The following PTGER3 variants were observed in gnomAD, a reference collection of about 807,000 sequenced individuals.
PTGER3 encodes the protein prostaglandin E2 receptor EP3 subtype.
Under a neutral mutation model 34.7 loss-of-function variants are expected in PTGER3, and 22 were observed. The ratio of observed to expected loss-of-function variants is 0.63; its 90% CI spans 0.45 to 0.91. The LOEUF (loss-of-function observed/expected upper bound fraction) is 0.91, where lower values mean the gene tolerates loss of function less well. Ranked by LOEUF, PTGER3 falls within the 40% of genes least tolerant of loss-of-function variation. The probability of loss-of-function intolerance (pLI) is 0.00; values close to 1 mark genes in which losing one functional copy is unlikely to be tolerated. For missense variants in PTGER3, 468 were observed against 519.4 expected, an observed-to-expected ratio of 0.90 and a Z score of 0.96; for synonymous variants, 241 against 230.1, an observed-to-expected ratio of 1.05 and a Z score of -0.43.
chr1:70,877,955 G>C (rs1479531969), intron 4 of PTGER3, among the ~76,000 whole-genome samples: 2 of 152,178 alleles, frequency 1.3e-5, no homozygotes, highest in African/African-American at 2.4e-5. Context: ...GATCATGTTG[G>C]CCTCATAGAA....
At chr1:70,915,609 C>T (rs1212021423) in intron 4 of PTGER3, among the ~76,000 whole-genome samples, 1 of 152,056 alleles carries the variant, frequency 6.6e-6, no homozygotes, top group South Asian at 2.1e-4. Context: ...TTGAGGAATT[C>T]CCAAATGTGT....
intron 4 of PTGER3, among the ~76,000 whole-genome samples, chr1:70,899,635 GC>G (rs1646794825): frequency 6.6e-6 from 1 of 151,966 alleles, no homozygotes; most frequent in Admixed American, 6.6e-5. Context: ...CTCTTAAGGA[GC>G]TTTTCAAGAG....
chr1:70,866,032 G>T (rs1347987630), intron 4 of PTGER3, among the ~76,000 whole-genome samples: 1 of 152,182 alleles, frequency 6.6e-6, no homozygotes, highest in African/African-American at 2.4e-5. Flanking sequence ...GTAAAAGCCT[G>T]TTTCCCTTTG....
chr1:70,922,730 T>G (rs11811492), intron 4 of PTGER3, among the ~76,000 whole-genome samples: 4,473 of 152,310 alleles, frequency 0.029, 240 homozygotes, highest in African/African-American at 0.1. Context: ...TAAAATGTGT[T>G]TTTTGTAAAA....
In PTGER3 at chr1:70,974,334, A is replaced by G. The variant is rs760434884; in HGVS notation, c.1132T>C (p.Cys378Arg). The change falls in exon 3 of 4, where the codon TGT becomes CGT. Residue 378 changes from cysteine to arginine, a missense_variant. Physicochemically the swap from Cys to Arg is radical, Grantham distance 180. Coordinates refer to ENST00000306666, the MANE Select transcript of PTGER3 (RefSeq NM_198719.2). The part of the protein sequence containing the change: ...ASSSTSLPCQ[C>R]SSTLMWSDHL... The stretch of plus-strand genomic sequence containing the variant: ...TCGCTCCACATCAAGGTTGAGGAAC[A>G]CTGGCAGGGTAAGGAGGTGGAGCTG... 1 of 1,488,016 alleles carries G rather than the reference A, an allele frequency of 6.7e-7. No homozygotes were observed. Among genetic ancestry groups the G allele is most frequent in the Admixed American group, 1.7e-5 (1 of 59,766 alleles). 92.2% of individuals were successfully genotyped at this position (1,488,016 alleles called of 1,614,324 possible).
chr1:70,931,386 T>A (rs1648679201), intron 4 of PTGER3, among the ~76,000 whole-genome samples: 1 of 152,198 alleles, frequency 6.6e-6, no homozygotes, highest in Non-Finnish European at 1.5e-5. Context: ...GTCTGCCCTC[T>A]TCTCACAACT....
exon 4 of PTGER3, chr1:70,953,049 C>G (rs1430734287): frequency 6.3e-7 from 1 of 1,596,738 alleles, no homozygotes; most frequent in East Asian, 2.2e-5. Context: ...GTTCTGCAAA[C>G]TGCAGATTAA....
intron 1 of PTGER3, among the ~76,000 whole-genome samples, chr1:71,017,525 A>G (rs1040560221): frequency 6.6e-6 from 1 of 152,026 alleles, no homozygotes; most frequent in Non-Finnish European, 1.5e-5. Context: ...TCAAATTCTA[A>G]TCCTCAGTGT....
intron 4 of PTGER3, among the ~76,000 whole-genome samples, chr1:70,900,194 C>T (rs1015073502): frequency 6.6e-6 from 1 of 152,130 alleles, no homozygotes; most frequent in Non-Finnish European, 1.5e-5. Flanking sequence ...AATGATTTAA[C>T]TTTAATTTAT....
Position 70,971,327 on chromosome 1 carries a change from C to G in PTGER3, c.*403G>C. ...GACTTTTCACCATCATAAGCTTATA[C>G]TGATTTTTCAAACTCATATTGCAAA... is the stretch of plus-strand genomic sequence containing the variant. On this transcript the variant is annotated 3_prime_UTR_variant, in exon 4 of 4. Transcript: ENST00000306666. 1.0e-6 allele frequency: 1 copy of G among 992,422 alleles called. No individual in the cohort carries two copies. Among genetic ancestry groups the G allele is most frequent in the Non-Finnish European group, 1.2e-6 (1 of 834,884 alleles). 61.5% of individuals were successfully genotyped at this position (992,422 alleles called of 1,614,324 possible).
At chr1:71,033,203 A>T (rs968147931) in intron 1 of PTGER3, among the ~76,000 whole-genome samples, 2 of 152,224 alleles carry the variant, frequency 1.3e-5, no homozygotes, top group Non-Finnish European at 2.9e-5. Flanking sequence ...AGGAAGAGAG[A>T]GGTCCTATTT....
intron 4 of PTGER3, among the ~76,000 whole-genome samples, chr1:70,880,057 A>C (rs1201338094): frequency 6.6e-6 from 1 of 152,002 alleles, no homozygotes; most frequent in Non-Finnish European, 1.5e-5. Context: ...GTACCACTGC[A>C]CTTCAGCCTG....
intron 4 of PTGER3, among the ~76,000 whole-genome samples, chr1:70,907,559 C>G (rs532885394): frequency 2.6e-5 from 4 of 152,350 alleles, no homozygotes; most frequent in Admixed American, 6.5e-5. Flanking sequence ...GGTTGCTCAT[C>G]ATGAGCTCTT....
intron 2 of PTGER3, chr1:71,010,525 C>T: frequency 1.0e-6 from 1 of 984,354 alleles, no homozygotes; most frequent in Non-Finnish European, 1.2e-6. Flanking sequence ...TTCACATTGC[C>T]TCTGTGTCTA....
At chr1:70,898,054 G>T (rs1646759834) in intron 4 of PTGER3, among the ~76,000 whole-genome samples, 1 of 151,970 alleles carries the variant, frequency 6.6e-6, no homozygotes, top group African/African-American at 2.4e-5. Flanking sequence ...AGGTCTCTAT[G>T]GATATTTTTT....
In PTGER3 at chr1:70,973,202, TGATAGATA is replaced by T. The variant is rs200787107; in HGVS notation, c.1169+1087_1169+1094del. ...AGATAGATACATAGATATAGATAGATGATAGATAGATAGATAGATGATAGATAGATAGA... is the reference window on the plus strand; with the variant it reads ...AGATAGATACATAGATATAGATAGATGATAGATAGATGATAGATAGATAGA... On this transcript the variant is annotated intron_variant, in intron 3 of 3. Transcript: ENST00000306666. Among the ~76,000 whole-genome samples, 40 of 144,018 alleles carry T rather than the reference TGATAGATA, an allele frequency of 2.8e-4. No individual in the cohort carries two copies. In the East Asian group the frequency reaches 3.5e-3, roughly 13 times the overall value. The allele number at this position is 144,018 out of a possible 152,430, so 94.5% of individuals were successfully genotyped here. A position where few individuals can be genotyped will look rare whatever the true frequency, so the allele number is the denominator to read the frequency against.
At position 70,931,376 on chromosome 1, in the gene PTGER3, G is replaced by A. The variant is rs11209719; in HGVS notation, c.*23+22387C>T. 2.9e-3 allele frequency among the ~76,000 whole-genome samples: 437 copies of A among 152,258 alleles called. 18 individuals are homozygous for A. In the East Asian group the frequency reaches 0.069, roughly 24 times the overall value. On this transcript the variant is annotated intron_variant, in intron 4 of 4. Coordinates refer to the PTGER3 transcript ENST00000370931. ...TTTACCATTCTGGGGTCTGGAGGAC[G>A]TCTGCCCTCTTCTCACAACTCCACT...
intron 2 of PTGER3, among the ~76,000 whole-genome samples, chr1:70,984,770 C>T (rs1654749627): frequency 6.6e-6 from 1 of 151,478 alleles, no homozygotes; most frequent in African/African-American, 2.4e-5. Context: ...TAAGCAAAGC[C>T]CAAGAACTCA....
At chr1:71,013,554 T>C (rs1257755759) in intron 1 of PTGER3, among the ~76,000 whole-genome samples, 1 of 151,844 alleles carries the variant, frequency 6.6e-6, no homozygotes, top group Non-Finnish European at 1.5e-5. Context: ...AATACAAAAT[T>C]GGCTGGGTGT....
Sources: allele counts gnomAD v4.1 joint callset (sites outside exome capture counted in the v4.1 genomes callset), GRCh38; gene constraint gnomAD v4.1.1; transcripts MANE v1.5; gene names NCBI Gene and HGNC (gene_info 2026-07-23, HGNC 2026-07-21).